MAGI2: variants seen among roughly 807,000 people sequenced by gnomAD.
MAGI2 encodes membrane associated guanylate kinase, WW and PDZ domain containing 2.
In MAGI2, 35 loss-of-function variants were observed where a neutral mutation model predicts 133.3. The ratio of observed to expected loss-of-function variants is 0.26; its 90% CI spans 0.20 to 0.35. The LOEUF (loss-of-function observed/expected upper bound fraction) is 0.35, where lower values mean the gene tolerates loss of function less well. Among genes scored for constraint, MAGI2 ranks in the 10% least tolerant of loss-of-function variants. MAGI2 has a pLI of 1.00. For synonymous variants in MAGI2, 729 were observed against 710.6 expected (o/e 1.03, Z -0.41); for missense variants, 1,636 against 1,863.4 (o/e 0.88, Z 2.25).
chr7:78,964,718 G>A (rs547110423), intron 2 of MAGI2, among the ~76,000 whole-genome samples: 1 of 152,098 alleles, frequency 6.6e-6, no homozygotes, highest in African/African-American at 2.4e-5. Flanking sequence ...AGGGGTTAGA[G>A]TAAAAATTAC....
intron 2 of MAGI2, among the ~76,000 whole-genome samples, chr7:78,897,418 A>C (rs1797294879): frequency 6.6e-6 from 1 of 152,166 alleles, no homozygotes; most frequent in African/African-American, 2.4e-5. Flanking sequence ...ACAGTGTCAG[A>C]GGCAGTGGTG....
chr7:78,886,907 G>C (rs1049929143), intron 2 of MAGI2, among the ~76,000 whole-genome samples: 6 of 152,028 alleles, frequency 3.9e-5, no homozygotes, highest in Non-Finnish European at 8.8e-5. Context: ...TGAATCATGG[G>C]GGGAGTCCCC....
Position 78,335,802 on chromosome 7 carries a change from T to C in MAGI2, c.1408+7976A>G, listed in dbSNP as rs187168410. On this transcript the variant is annotated intron_variant, in intron 9 of 21. Coordinates refer to ENST00000354212, the MANE Select transcript of MAGI2 (RefSeq NM_012301.4). Reference sequence around the variant, plus strand: ...AAGAGTATAAAACTCCACAAAGCTGTTTATGGGAAACAATATATTTATGGT... The same window carrying C: ...AAGAGTATAAAACTCCACAAAGCTGCTTATGGGAAACAATATATTTATGGT... Among the ~76,000 whole-genome samples, 701 of 152,260 alleles carry C rather than the reference T, an allele frequency of 4.6e-3. 4 individuals are homozygous for C. The highest frequency in any genetic ancestry group is 0.01 in the South Asian group (49 of 4,820).
At chr7:78,385,538 G>T (rs10231406) in intron 6 of MAGI2, among the ~76,000 whole-genome samples, 82,226 of 151,962 alleles carry the variant, frequency 0.54, 23,189 homozygotes, top group Middle Eastern at 0.66. Context: ...CATCATTGCT[G>T]CTTATTAAAA....
chr7:78,569,305 T>C (rs755043840), intron 3 of MAGI2, among the ~76,000 whole-genome samples: 11 of 152,238 alleles, frequency 7.2e-5, no homozygotes, highest in Non-Finnish European at 1.5e-4. Flanking sequence ...TGTTAAAACA[T>C]ATTCTGAGGG....
intron 1 of MAGI2, among the ~76,000 whole-genome samples, chr7:79,146,197 T>C (rs1822598203): frequency 6.6e-6 from 1 of 152,138 alleles, no homozygotes; most frequent in Non-Finnish European, 1.5e-5. Flanking sequence ...TTGGACTCAG[T>C]TGTGATGTGG....
chr7:78,555,016 A>G (rs1022362218), intron 3 of MAGI2, among the ~76,000 whole-genome samples: 2 of 151,864 alleles, frequency 1.3e-5, no homozygotes, highest in Admixed American at 1.3e-4. Flanking sequence ...TCAGCCAGGT[A>G]AGGCAGCGCA....
chr7:78,532,107 C>G (rs560457953), intron 3 of MAGI2, among the ~76,000 whole-genome samples: 1 of 152,048 alleles, frequency 6.6e-6, no homozygotes, highest in Non-Finnish European at 1.5e-5. Flanking sequence ...GACTGTGAAC[C>G]GGGCAGCAAC....
In MAGI2 at chr7:78,258,255, C is replaced by T. The variant is rs1182786221; in HGVS notation, c.1409-1674G>A. Among the ~76,000 whole-genome samples the T allele has an allele frequency of 2.0e-5, 3 of 152,298 alleles. No individual in the cohort carries two copies. In the East Asian group the frequency reaches 5.8e-4, roughly 29 times the overall value. ...TTCCCTCACTGTTATTATAATTCCT[C>T]TTCAGACTGTGGCAGCTGGGGATGC... On this transcript the variant is annotated intron_variant, in intron 9 of 21. Transcript: ENST00000354212.
intron 1 of MAGI2, among the ~76,000 whole-genome samples, chr7:79,448,433 C>A (rs1234729989): frequency 6.6e-6 from 1 of 152,028 alleles, no homozygotes; most frequent in Non-Finnish European, 1.5e-5. Context: ...CTCAAAATGA[C>A]CAATATGTTT....
chr7:78,692,701 C>A (rs1817094880), intron 2 of MAGI2, among the ~76,000 whole-genome samples: 1 of 152,078 alleles, frequency 6.6e-6, no homozygotes, highest in African/African-American at 2.4e-5. Context: ...TTCAGTTTAT[C>A]CTTTGTGATC....
intron 1 of MAGI2, among the ~76,000 whole-genome samples, chr7:79,027,843 C>A (rs192158629): frequency 3.3e-4 from 50 of 151,772 alleles, no homozygotes; most frequent in African/African-American, 1.2e-3. Flanking sequence ...ATGTGACTAC[C>A]CAAGAATAAT....
chr7:78,583,778 C>A (rs534794986), intron 3 of MAGI2, among the ~76,000 whole-genome samples: 4 of 152,224 alleles, frequency 2.6e-5, no homozygotes, highest in East Asian at 1.9e-4. Context: ...CAGCAATATT[C>A]TAGACAGTAC....
intron 10 of MAGI2, among the ~76,000 whole-genome samples, chr7:78,233,629 G>A (rs928743528): frequency 2.0e-5 from 3 of 152,096 alleles, no homozygotes; most frequent in African/African-American, 7.2e-5. Flanking sequence ...ATGGCTGGAG[G>A]GGAAAGCAGA....
chr7:78,183,606 CCAAG>C (rs1827404203), intron 13 of MAGI2, among the ~76,000 whole-genome samples: 2 of 151,972 alleles, frequency 1.3e-5, no homozygotes, highest in Admixed American at 1.3e-4. Flanking sequence ...GCTTTGCTGC[CCAAG>C]CTAGAGTGCA....
At chr7:79,113,225 C>G (rs1431635048) in intron 1 of MAGI2, among the ~76,000 whole-genome samples, 6 of 152,304 alleles carry the variant, frequency 3.9e-5, no homozygotes, top group Non-Finnish European at 8.8e-5. Flanking sequence ...CCTTAATTGT[C>G]AGTAAGTTCA....
chr7:78,297,997 A>T (rs1255301735), intron 9 of MAGI2, among the ~76,000 whole-genome samples: 3 of 151,656 alleles, frequency 2.0e-5, no homozygotes, highest in African/African-American at 7.3e-5. Context: ...AAAAAAAAAG[A>T]ATTGTCTGGG....
chr7:78,559,688 T>G (rs981921278), intron 3 of MAGI2, among the ~76,000 whole-genome samples: 1 of 152,186 alleles, frequency 6.6e-6, no homozygotes, highest in Non-Finnish European at 1.5e-5. Flanking sequence ...TACACTGAGC[T>G]TTTGTTGTGA....
rs182887874 is a variant in MAGI2 at position 78,416,767 on chromosome 7, G to T, written c.1046-47554C>A. ...GTTATAAAAGAGGCTTTGTAGAGCT[G>T]TCTGACTCTTTCATCTCTCCTGCCA... On this transcript the variant is annotated intron_variant, in intron 6 of 21. Coordinates refer to ENST00000354212, the MANE Select transcript of MAGI2 (RefSeq NM_012301.4). Among the ~76,000 whole-genome samples the T allele has an allele frequency of 3.9e-4, 60 of 152,188 alleles. 1 individual carries two copies. The East Asian group carries it at 6.2e-3, about 16-fold the overall frequency.
Sources: allele counts gnomAD v4.1 joint callset (sites outside exome capture counted in the v4.1 genomes callset), GRCh38; gene constraint gnomAD v4.1.1; transcripts MANE v1.5; gene names NCBI Gene and HGNC (gene_info 2026-07-23, HGNC 2026-07-21).